Variants in UBA3 observed in about 807,000 individuals in gnomAD.
The protein encoded by UBA3 is ubiquitin like modifier activating enzyme 3, also known as NEDD8-activating enzyme E1 catalytic subunit.
UBA3 carries 26 observed loss-of-function variants against 73.5 expected under a neutral mutation model. That is an observed-to-expected ratio of 0.35 (90% CI 0.26 to 0.49). UBA3 has a LOEUF of 0.49. Among genes scored for constraint, UBA3 ranks in the 20% least tolerant of loss-of-function variants. UBA3 has a pLI of 0.98. For missense variants in UBA3, 495 were observed against 555.6 expected (o/e 0.89, Z 1.10); for synonymous variants, 217 against 191.2 (o/e 1.13, Z -1.11).
chr3:69,064,813 T>C (rs2092054791), intron 6 of UBA3, among the ~76,000 whole-genome samples: 1 of 152,172 alleles, frequency 6.6e-6, no homozygotes, highest in Non-Finnish European at 1.5e-5. Flanking sequence ...TTAATTTTTC[T>C]AATGAATGGA....
rs373934284 is a variant in UBA3 at position 69,056,772 on chromosome 3, C to T, written c.1001+7G>A. 12 of 1,612,670 alleles carry T rather than the reference C, an allele frequency of 7.4e-6. No individual in the cohort carries two copies. The highest frequency in any genetic ancestry group is 1.0e-5 in the Non-Finnish European group (12 of 1,179,508). On this transcript the variant is annotated splice_region_variant and intron_variant, in intron 13 of 17. Coordinates refer to ENST00000361055, the MANE Select transcript of UBA3 (RefSeq NM_003968.4). ...TTTACATGCATATTAAAAATGAAAC[C>T]TATTACCTTGTGGCTATTTTAAAAA...
In UBA3 at chr3:69,059,714, T is replaced by C. The variant is rs546853488; in HGVS notation, c.910+2100A>G. Among the ~76,000 whole-genome samples, 4 of 151,788 alleles carry C rather than the reference T, an allele frequency of 2.6e-5. No homozygotes were observed. In the South Asian group the frequency reaches 8.3e-4, roughly 32 times the overall value. ...TTTTAAAATGACATTACTAGATCAG[T>C]AAATGTAAGGAAATAATCACAGGAG... is the stretch of plus-strand genomic sequence containing the variant. On this transcript the variant is annotated intron_variant, in intron 11 of 17. Transcript: ENST00000361055.
At position 69,063,080 on chromosome 3, in the gene UBA3, T is replaced by G. The variant is rs370324014; in HGVS notation, c.595A>C (p.Ile199Leu). ...VLDPSSIVPL[I>L]DGGTEGFKGN... Reference sequence around the variant, plus strand: ...TTAAAACCTTCTGTCCCCCCATCTATCAAAGGGACAATGGAGCTTGGATCT... The same window carrying G: ...TTAAAACCTTCTGTCCCCCCATCTAGCAAAGGGACAATGGAGCTTGGATCT... Residue 199 changes from isoleucine to leucine, a missense_variant, in exon 9 of 18, where the codon ATA becomes CTA. By Grantham distance (5) the Ile-to-Leu change is conservative. Coordinates refer to ENST00000361055, the MANE Select transcript of UBA3 (RefSeq NM_003968.4). The G allele has an allele frequency of 1.2e-6, 2 of 1,613,936 alleles. No homozygotes were observed. Among genetic ancestry groups the G allele is most frequent in the Non-Finnish European group, 1.7e-6 (2 of 1,180,002 alleles).
rs1459365147 is a variant in UBA3, at chr3:69,056,053, A to T, written c.1195T>A (p.Ser399Thr). The change falls in exon 16 of 18, where the codon TCT becomes ACT. Residue 399 changes from serine (S) to threonine (T), a missense_variant. Transcript: ENST00000361055. The stretch of plus-strand genomic sequence containing the variant: ...TCTAGGGTGGCTGTGATGGCTGGAG[A>T]TTTCATTTGCCTAAAGATTATGATG... ...LTNSASLQMK[S>T]PAITATLEGK... 6 of 1,603,834 alleles carry T rather than the reference A, an allele frequency of 3.7e-6. No homozygotes were observed. Among genetic ancestry groups the T allele is most frequent in the South Asian group, 1.1e-5 (1 of 88,320 alleles).
At chr3:69,062,290 A>G (rs2092028255) in intron 9 of UBA3, 111 bp from the exon 10 acceptor site, 3 of 732,940 alleles carry the variant, frequency 4.1e-6, no homozygotes. Context: ...TTCAACTCAA[A>G]ATATTGTATA....
intron 4 of UBA3, among the ~76,000 whole-genome samples, chr3:69,074,694 T>C (rs2092149274): frequency 1.3e-5 from 2 of 152,184 alleles, no homozygotes; most frequent in African/African-American, 4.8e-5. Flanking sequence ...CTGCCTCTAC[T>C]CATTTGTTAC....
chr3:69,065,577 G>C (rs2092063485), intron 6 of UBA3, among the ~76,000 whole-genome samples: 1 of 152,116 alleles, frequency 6.6e-6, no homozygotes, highest in South Asian at 2.1e-4. Flanking sequence ...CACATAGCTG[G>C]GACTACAGGC....
intron 1 of UBA3, 41 bp downstream of exon 1, chr3:69,080,293 C>A: frequency 6.2e-7 from 1 of 1,602,408 alleles, no homozygotes; most frequent in Non-Finnish European, 8.5e-7. Context: ...TCTCTCACAA[C>A]CCAGCCCAGC....
At chr3:69,057,118 A>C in intron 12 of UBA3, 138 bp downstream of exon 12, 1 of 952,626 alleles carries the variant, frequency 1.0e-6, no homozygotes, top group Non-Finnish European at 1.6e-6. Context: ...GCAAAGTCTA[A>C]TAACTGGTTC....
At chr3:69,068,118 T>A in intron 5 of UBA3, 110 bp from the exon 6 acceptor site, 1 of 719,800 alleles carries the variant, frequency 1.4e-6, no homozygotes, top group East Asian at 3.3e-5. Context: ...ATAGGAAATT[T>A]AGAAGGAATA....
chr3:69,058,035 A>G (rs982249023), intron 11 of UBA3, among the ~76,000 whole-genome samples: 2 of 144,734 alleles, frequency 1.4e-5, no homozygotes, highest in Non-Finnish European at 3.0e-5. Context: ...GGTTCACGCC[A>G]TTCTCCTGCC....
intron 2 of UBA3, 60 bp from the exon 3 acceptor site, chr3:69,077,978 A>G (rs2092182624): frequency 1.9e-6 from 3 of 1,578,970 alleles, no homozygotes; most frequent in Admixed American, 1.8e-5. Context: ...CACACCTACA[A>G]CTATTATGGT....
intron 11 of UBA3, among the ~76,000 whole-genome samples, chr3:69,058,677 A>G (rs148121587): frequency 3.7e-3 from 557 of 152,354 alleles, no homozygotes; most frequent in African/African-American, 0.013. Flanking sequence ...CTGCCCAGTA[A>G]GAACATTGCC....
intron 2 of UBA3, 24 bp downstream of exon 2, chr3:69,080,087 GC>G (rs2107505078): frequency 6.2e-7 from 1 of 1,604,962 alleles, no homozygotes; most frequent in African/African-American, 1.3e-5. Flanking sequence ...CCCGGAGAGG[GC>G]CCCGGCCTCC....
At chr3:69,076,168 T>C (rs2092164990) in intron 3 of UBA3, among the ~76,000 whole-genome samples, 1 of 152,186 alleles carries the variant, frequency 6.6e-6, no homozygotes, top group South Asian at 2.1e-4. Context: ...TTCCTAAAAA[T>C]ATAAAAGTTT....
intron 3 of UBA3, among the ~76,000 whole-genome samples, chr3:69,076,813 G>A (rs1408977342): frequency 1.3e-5 from 2 of 150,140 alleles, no homozygotes; most frequent in Non-Finnish European, 3.0e-5. Context: ...GGGTGGTCTG[G>A]AACTCTTGGG....
rs779908471 is a variant in UBA3, at chr3:69,055,143, T to C, written c.*294A>G. On this transcript the variant is annotated 3_prime_UTR_variant, in exon 18 of 18. Coordinates refer to ENST00000361055, the MANE Select transcript of UBA3 (RefSeq NM_003968.4). ...TTAGGAATGCATTCTTTGACCATAA[T>C]AACAAAATTCACACAAAAGAGGTTG... is the stretch of plus-strand genomic sequence containing the variant. The C allele has an allele frequency of 1.9e-5, 4 of 210,428 alleles. No homozygotes were observed. Among genetic ancestry groups the C allele is most frequent in the African/African-American group, 9.2e-5 (4 of 43,630 alleles). The allele number at this position is 210,428 out of a possible 1,614,324, so 13.0% of individuals were successfully genotyped here.
intron 4 of UBA3, among the ~76,000 whole-genome samples, chr3:69,072,852 C>T (rs998577214): frequency 1.3e-5 from 2 of 152,176 alleles, no homozygotes; most frequent in Admixed American, 1.3e-4. Flanking sequence ...CAGGTGCCCG[C>T]CCCTAGAGCA....
intron 8 of UBA3, 75 bp from the exon 9 acceptor site, chr3:69,063,212 T>A: frequency 6.4e-7 from 1 of 1,565,782 alleles, no homozygotes; most frequent in Non-Finnish European, 8.7e-7. Flanking sequence ...TTTCAAGTAA[T>A]CCTATGAGTC....
Sources: gnomAD v4.1 joint callset for allele counts (sites outside exome capture counted in the v4.1 genomes callset) on GRCh38, gnomAD v4.1.1 for gene constraint, MANE v1.5 for transcripts, NCBI Gene and HGNC (gene_info 2026-07-23, HGNC 2026-07-21) for gene names.